ACP7: variants seen among roughly 807,000 people sequenced by gnomAD.
The protein encoded by ACP7 is acid phosphatase type 7.
ACP7 carries 58 observed loss-of-function variants against 60.6 expected under a neutral mutation model. That is an observed-to-expected ratio of 0.96 (90% CI 0.77 to 1.19). ACP7 has a LOEUF of 1.19. Among genes scored for constraint, ACP7 ranks in the 50% most tolerant of loss-of-function variants. The probability of loss-of-function intolerance (pLI) is 0.00; values close to 1 mark genes in which losing one functional copy is unlikely to be tolerated. For synonymous variants in ACP7, 237 were observed against 232.6 expected (o/e 1.02, Z -0.17); for missense variants, 574 against 596.2 (o/e 0.96, Z 0.39).
chr19:39,085,356 C>CGCT lies in ACP7; in HGVS notation c.90_92dup (p.Ala31dup), dbSNP rs2073129492. ...TCCAGGGGTCCCTGGGGGCTCCCAG[C>CGCT]GCTGCCCCAGAGCAAGTCCATCTGT... On this transcript the variant is annotated inframe_insertion, in exon 2 of 13. Coordinates refer to ENST00000331256, the MANE Select transcript of ACP7 (RefSeq NM_001004318.3). 7 of 1,613,268 alleles carry CGCT rather than the reference C, an allele frequency of 4.3e-6. No homozygotes were observed. Among genetic ancestry groups the CGCT allele is most frequent in the Non-Finnish European group, 5.9e-6 (7 of 1,179,542 alleles).
chr19:39,103,984 A>G lies in ACP7; in HGVS notation c.1113+2447A>G, dbSNP rs183585878. Among the ~76,000 whole-genome samples, 675 of 151,292 alleles carry G rather than the reference A, an allele frequency of 4.5e-3. 7 individuals carry two copies. Among genetic ancestry groups the G allele is most frequent in the Non-Finnish European group, 4.5e-3 (306 of 67,832 alleles). ...GCTGGGTGCGGTGGCTCATGCCTGTAATGCCAGCACTTTGGGAGGCTGAGG... is the reference window on the plus strand; with the variant it reads ...GCTGGGTGCGGTGGCTCATGCCTGTGATGCCAGCACTTTGGGAGGCTGAGG... On this transcript the variant is annotated intron_variant, in intron 11 of 12. Transcript: ENST00000331256.
intron 2 of ACP7, among the ~76,000 whole-genome samples, chr19:39,089,064 G>A (rs1165234960): frequency 6.6e-6 from 1 of 151,942 alleles, no homozygotes; most frequent in East Asian, 1.9e-4. Flanking sequence ...CAAGTAGCTT[G>A]GACTACAGGT....
chr19:39,104,188 C>A (rs927268505), intron 11 of ACP7, among the ~76,000 whole-genome samples: 1 of 151,432 alleles, frequency 6.6e-6, no homozygotes, highest in African/African-American at 2.4e-5. Context: ...GAACAGAAGC[C>A]ACTCACACCA....
At chr19:39,098,275 A>AAAAAAAAG (rs2073292655) in intron 2 of ACP7, among the ~76,000 whole-genome samples, 183 bp from the exon 3 acceptor site, 1 of 126,632 alleles carries the variant, frequency 7.9e-6, no homozygotes, top group African/African-American at 2.9e-5. Context: ...AAAAAAAAAA[A>AAAAAAAAG]AAAAGAAAAG....
At position 39,100,599 on chromosome 19, in the gene ACP7, G is replaced by C. The variant is rs749502635; in HGVS notation, c.649G>C (p.Ala217Pro). Residue 217 changes from alanine (A) to proline (P), a missense_variant, in exon 6 of 13, where the codon GCT becomes CCT. Transcript: ENST00000331256. The stretch of plus-strand genomic sequence containing the variant: ...TTCCAGCAACTTCTCTAACTACAAG[G>C]CTCGCTTCAGCATGCCGGGGGATAA... ...EERYNFSNYK[A>P]RFSMPGDNEG... 2 of 1,613,998 alleles carry C rather than the reference G, an allele frequency of 1.2e-6. No homozygotes were observed.
At chr19:39,102,149 C>CACAA (rs1467027588) in intron 11 of ACP7, among the ~76,000 whole-genome samples, 1 of 150,910 alleles carries the variant, frequency 6.6e-6, no homozygotes, top group East Asian at 2.0e-4. Context: ...CACACACACA[C>CACAA]ACACACACAA....
At position 39,085,214 on chromosome 19, in the gene ACP7, G is replaced by A. The variant is rs1208475047; in HGVS notation, c.-56G>A. The A allele has an allele frequency of 1.3e-6, 2 of 1,567,698 alleles. No homozygotes were observed. The highest frequency in any genetic ancestry group is 2.7e-5 in the African/African-American group (2 of 73,592). ...GCCCTTCCTGCTGTACCTGTGGGGA[G>A]CTGATCTCCTCAGTCCCCCTGCTTT... is the stretch of plus-strand genomic sequence containing the variant. On this transcript the variant is annotated 5_prime_UTR_variant, in exon 2 of 13. Transcript: ENST00000331256.
chr19:39,096,429 C>T (rs977107473), intron 2 of ACP7, among the ~76,000 whole-genome samples: 1 of 152,196 alleles, frequency 6.6e-6, no homozygotes, highest in Admixed American at 6.6e-5. Flanking sequence ...ACAAGTTCCT[C>T]ATCTCCACCT....
intron 12 of ACP7, among the ~76,000 whole-genome samples, chr19:39,107,578 CAAAAA>C (rs34130688): frequency 1.2e-5 from 1 of 81,224 alleles, no homozygotes; most frequent in African/African-American, 4.7e-5. Context: ...GACTCTGTCT[CAAAAA>C]AAAAAAAAAA....
chr19:39,110,997 G>A lies in ACP7; in HGVS notation c.*879G>A, dbSNP rs11083506. 45,927 of 151,908 alleles carry A rather than the reference G, an allele frequency of 0.3. 7,270 individuals carry two copies. The highest frequency in any genetic ancestry group is 0.38 in the Middle Eastern group (112 of 294). The allele number at this position is 151,908 out of a possible 1,614,324, so 9.4% of individuals were successfully genotyped here. A position where few individuals can be genotyped will look rare whatever the true frequency, so the allele number is the denominator to read the frequency against. Reference sequence around the variant, plus strand: ...ATTTGTGAGTAGAAAACGCAGGGACGGTGAGAGAGCAGTTTCAATTTTCAG... The same window carrying A: ...ATTTGTGAGTAGAAAACGCAGGGACAGTGAGAGAGCAGTTTCAATTTTCAG... On this transcript the variant is annotated 3_prime_UTR_variant, in exon 13 of 13. Transcript: ENST00000331256.
At chr19:39,107,161 G>T in intron 12 of ACP7, 77 bp downstream of exon 12, 1 of 1,414,042 alleles carries the variant, frequency 7.1e-7, no homozygotes, top group Non-Finnish European at 9.3e-7. Flanking sequence ...AAAAACGTGG[G>T]CTCGGCCGGG....
intron 2 of ACP7, among the ~76,000 whole-genome samples, chr19:39,097,837 CTTTA>C (rs1406248352): frequency 6.6e-6 from 1 of 152,016 alleles, no homozygotes; most frequent in Non-Finnish European, 1.5e-5. Context: ...GTTTCACGTG[CTTTA>C]TTTATATTTA....
intron 11 of ACP7, among the ~76,000 whole-genome samples, chr19:39,102,715 T>TTTCTTTCTTTC (rs1555769414): frequency 0.077 from 9,181 of 118,494 alleles, 601 homozygotes; most frequent in Admixed American, 0.11. Context: ...CAATGAAGAC[T>TTTCTTTCTTTC]TTTCTTTCTT....
chr19:39,108,256 C>G (rs2073433066), intron 12 of ACP7, among the ~76,000 whole-genome samples: 1 of 151,586 alleles, frequency 6.6e-6, no homozygotes, highest in African/African-American at 2.4e-5. Flanking sequence ...TCTCCTACCT[C>G]AGCCTCCCGA....
chr19:39,100,097 G>C (rs2073321399), intron 4 of ACP7, 130 bp from the exon 5 acceptor site: 2 of 1,315,310 alleles, frequency 1.5e-6, no homozygotes, highest in Non-Finnish European at 2.1e-6. Flanking sequence ...CTGGGCTCAA[G>C]TGATACTCTT....
At chr19:39,092,732 G>A (rs1253627089) in intron 2 of ACP7, among the ~76,000 whole-genome samples, 1 of 146,798 alleles carries the variant, frequency 6.8e-6, no homozygotes, top group Admixed American at 6.9e-5. Flanking sequence ...TCAGACCAGT[G>A]TCTCTGTTTC....
rs1473382254 is a variant in ACP7 at position 39,098,611 on chromosome 19, A to G, written c.275A>G (p.Tyr92Cys). 1.9e-5 allele frequency: 30 copies of G among 1,613,596 alleles called. No homozygotes were observed. The highest frequency in any genetic ancestry group is 2.5e-5 in the Non-Finnish European group (29 of 1,179,762). ...VDGGILRRKLYIHRVTLRKLL... is the reference protein window; with the variant it reads ...VDGGILRRKLCIHRVTLRKLL... ...GGGGGCATTCTCCGGCGGAAGCTCT[A>G]CATACACCGAGTCACGCTTCGCAAG... The change falls in exon 3 of 13, where the codon TAC (tyrosine) becomes TGC (cysteine). Residue 92 changes from tyrosine (Y) to cysteine (C), a missense_variant. Transcript: ENST00000331256.
Position 39,085,143 on chromosome 19 carries a change from G to T in ACP7, c.-127G>T, listed in dbSNP as rs1600247593. 47 of 1,252,804 alleles carry T rather than the reference G, an allele frequency of 3.8e-5. No individual in the cohort carries two copies. The East Asian group carries it at 1.2e-3, about 32-fold the overall frequency. The allele number at this position is 1,252,804 out of a possible 1,614,324, so 77.6% of individuals were successfully genotyped here. On this transcript the variant is annotated 5_prime_UTR_variant, in exon 2 of 13. Coordinates refer to ENST00000331256, the MANE Select transcript of ACP7 (RefSeq NM_001004318.3). Reference sequence around the variant, plus strand: ...GAGACCTCCCTGCCCTGCCTCTGTTGTCCCCCAGAGCACTGCCTGATCATC... The same window carrying T: ...GAGACCTCCCTGCCCTGCCTCTGTTTTCCCCCAGAGCACTGCCTGATCATC...
chr19:39,102,716 T>TTTCC (rs1568482574), intron 11 of ACP7, among the ~76,000 whole-genome samples: 4 of 11,008 alleles, frequency 3.6e-4, no homozygotes, highest in African/African-American at 1.3e-3. Context: ...AATGAAGACT[T>TTTCC]TTCTTTCTTT....
Sources: allele counts gnomAD v4.1 joint callset (sites outside exome capture counted in the v4.1 genomes callset), GRCh38; gene constraint gnomAD v4.1.1; transcripts MANE v1.5; gene names NCBI Gene and HGNC (gene_info 2026-07-23, HGNC 2026-07-21).